Variants in PTPRT observed in about 807,000 individuals in gnomAD.
PTPRT encodes protein tyrosine phosphatase receptor type T, also known as receptor-type tyrosine-protein phosphatase T.
PTPRT carries 56 observed loss-of-function variants against 176.8 expected under a neutral mutation model. That is an observed-to-expected ratio of 0.32 (90% CI 0.26 to 0.40). The LOEUF (loss-of-function observed/expected upper bound fraction) is 0.40. Ranked by LOEUF, PTPRT falls within the 10% of genes least tolerant of loss-of-function variation. The pLI, the probability that PTPRT is intolerant of heterozygous loss-of-function variation, is 1.00. For synonymous variants in PTPRT, 783 were observed against 739.0 expected (o/e 1.06, Z -0.96); for missense variants, 1,540 against 1,908.2 (o/e 0.81, Z 3.60).
At chr20:42,314,526 CA>C (rs386393782) in intron 12 of PTPRT, among the ~76,000 whole-genome samples, 13,678 of 102,224 alleles carry the variant, frequency 0.13, 834 homozygotes, top group East Asian at 0.33. Context: ...GAGACTGTGT[CA>C]AAAAAAAAAA....
intron 1 of PTPRT, among the ~76,000 whole-genome samples, chr20:42,890,859 CTGGTGGGAGATAATTGAATCATAGGGG>C (rs1490508489): frequency 1.3e-5 from 2 of 152,130 alleles, no homozygotes; most frequent in East Asian, 3.9e-4. Context: ...TGGGAGGGAC[CTGGTGGGAGATAATTGAATCATAGGGG>C]TGGTTTCCCC....
chr20:42,803,054 G>A (rs765874570), intron 2 of PTPRT, among the ~76,000 whole-genome samples: 11 of 152,176 alleles, frequency 7.2e-5, no homozygotes, highest in East Asian at 3.9e-4. Flanking sequence ...GCAGATCTTC[G>A]ACTACAACAG....
chr20:42,947,185 C>A (rs1032872631), intron 1 of PTPRT, among the ~76,000 whole-genome samples: 2 of 152,198 alleles, frequency 1.3e-5, no homozygotes, highest in Non-Finnish European at 2.9e-5. Flanking sequence ...ACCCAATTCC[C>A]AGCCACTCAC....
intron 8 of PTPRT, among the ~76,000 whole-genome samples, chr20:42,451,465 T>C (rs920659064): frequency 7.3e-5 from 11 of 151,424 alleles, no homozygotes; most frequent in Non-Finnish European, 1.6e-4. Flanking sequence ...TGTTTGGAAA[T>C]GGAAACCGTA....
intron 20 of PTPRT, among the ~76,000 whole-genome samples, chr20:42,118,931 C>G (rs1302861193): frequency 1.4e-5 from 2 of 142,252 alleles, no homozygotes; most frequent in Non-Finnish European, 3.0e-5. Flanking sequence ...GTGCCAGACG[C>G]TGAGAACAAA....
chr20:42,495,612 C>T (rs139710561), intron 7 of PTPRT, among the ~76,000 whole-genome samples: 95 of 152,244 alleles, frequency 6.2e-4, no homozygotes, highest in African/African-American at 2.2e-3. Context: ...TCAGTTTTCC[C>T]GTTAGAGTCT....
At chr20:42,927,655 G>C (rs1171189742) in intron 1 of PTPRT, among the ~76,000 whole-genome samples, 1 of 152,138 alleles carries the variant, frequency 6.6e-6, no homozygotes, top group Non-Finnish European at 1.5e-5. Flanking sequence ...TGGTGTGGTA[G>C]ACCCACGCCT....
At position 42,771,141 on chromosome 20, in the gene PTPRT, C is replaced by T. The variant is rs191967968; in HGVS notation, c.684+294G>A. 1.1e-3 allele frequency among the ~76,000 whole-genome samples: 171 copies of T among 152,270 alleles called. 2 individuals carry two copies. Among genetic ancestry groups the T allele is most frequent in the South Asian group, 9.5e-3 (46 of 4,820 alleles). ...CAGAAAATTCCGCAGGGGTTTGGGC[C>T]ATGAGACACATCCCGCCAGACAAGT... On this transcript the variant is annotated intron_variant, in intron 5 of 30. Transcript: ENST00000373187.
the PTPRT span, among the ~76,000 whole-genome samples, chr20:42,049,597 C>T: frequency 6.6e-6 from 1 of 152,198 alleles, no homozygotes; most frequent in East Asian, 1.9e-4. Flanking sequence ...TTCCCTCATT[C>T]CCCAGGGCAG....
At chr20:42,903,073 G>A (rs2079426853) in intron 1 of PTPRT, among the ~76,000 whole-genome samples, 1 of 152,228 alleles carries the variant, frequency 6.6e-6, no homozygotes, top group Non-Finnish European at 1.5e-5. Flanking sequence ...CTCTTGACAT[G>A]ACATAATGCC....
At chr20:43,165,469 A>C (rs117834909) in intron 1 of PTPRT, among the ~76,000 whole-genome samples, 7,248 of 152,192 alleles carry the variant, frequency 0.048, 211 homozygotes, top group Non-Finnish European at 0.067. Context: ...ACCCCTGCTA[A>C]ACACACTCTC....
chr20:42,739,559 G>A (rs889268230), intron 6 of PTPRT, among the ~76,000 whole-genome samples: 2 of 152,098 alleles, frequency 1.3e-5, no homozygotes, highest in African/African-American at 4.8e-5. Flanking sequence ...AGAAAGATGG[G>A]GAAGTGTTAG....
At chr20:42,206,715 C>T (rs1211689168) in intron 15 of PTPRT, among the ~76,000 whole-genome samples, 1 of 152,334 alleles carries the variant, frequency 6.6e-6, no homozygotes, top group African/African-American at 2.4e-5. Flanking sequence ...GAGGGGCACC[C>T]GCCATTGCCC....
chr20:42,158,544 C>T (rs1989453924), intron 17 of PTPRT, among the ~76,000 whole-genome samples: 1 of 152,116 alleles, frequency 6.6e-6, no homozygotes, highest in South Asian at 2.1e-4. Flanking sequence ...ACTGGAGGCT[C>T]AGGAGTCTTT....
intron 1 of PTPRT, among the ~76,000 whole-genome samples, chr20:43,184,662 G>C (rs762871207): frequency 2.0e-5 from 3 of 151,934 alleles, no homozygotes; most frequent in Non-Finnish European, 2.9e-5. Flanking sequence ...GCTCCAGCCC[G>C]GCGACAGAGC....
intron 16 of PTPRT, among the ~76,000 whole-genome samples, chr20:42,178,487 T>C (rs554997954): frequency 9.3e-4 from 141 of 152,288 alleles, no homozygotes; most frequent in Non-Finnish European, 7.2e-4. Context: ...CTACTACTTA[T>C]TAGTCAAAGG....
At chr20:42,147,127 G>C (rs1337656804) in intron 17 of PTPRT, among the ~76,000 whole-genome samples, 2 of 152,158 alleles carry the variant, frequency 1.3e-5, no homozygotes, top group African/African-American at 4.8e-5. Flanking sequence ...TCAAGGAAAG[G>C]GTAGCATCTT....
At chr20:42,476,825 A>G (rs552510669) in intron 7 of PTPRT, among the ~76,000 whole-genome samples, 2 of 152,310 alleles carry the variant, frequency 1.3e-5, no homozygotes, top group South Asian at 4.1e-4. Flanking sequence ...GTTGAGACTC[A>G]GTGAAGAGAT....
chr20:42,608,092 C>G, intron 7 of PTPRT, among the ~76,000 whole-genome samples: 1 of 152,108 alleles, frequency 6.6e-6, no homozygotes, highest in East Asian at 1.9e-4. Flanking sequence ...GCTGTCTGTC[C>G]AAGGAATAAC....
Sources: allele counts gnomAD v4.1 joint callset (sites outside exome capture counted in the v4.1 genomes callset), GRCh38; gene constraint gnomAD v4.1.1; transcripts MANE v1.5; gene names NCBI Gene and HGNC (gene_info 2026-07-23, HGNC 2026-07-21).